The following SLC6A16 variants were observed in gnomAD, a reference collection of about 807,000 sequenced individuals.
SLC6A16 encodes the protein orphan sodium- and chloride-dependent neurotransmitter transporter NTT5.
SLC6A16 carries 54 observed loss-of-function variants against 65.4 expected under a neutral mutation model. The observed-to-expected ratio is 0.83, with a 90% CI of 0.66 to 1.04. The LOEUF (loss-of-function observed/expected upper bound fraction) is 1.04, where lower values mean the gene tolerates loss of function less well. SLC6A16 is among the 50% of genes least tolerant of loss of function. The pLI is 0.00. For missense variants in SLC6A16, 816 were observed against 914.0 expected, an observed-to-expected ratio of 0.89 and a Z score of 1.38; for synonymous variants, 330 against 346.5, an observed-to-expected ratio of 0.95 and a Z score of 0.53.
upstream of SLC6A16, among the ~76,000 whole-genome samples, chr19:49,328,298 A>G (rs1472878227): frequency 6.6e-6 from 1 of 152,226 alleles, no homozygotes; most frequent in African/African-American, 2.4e-5. Context: ...AGAGCCCCTT[A>G]TAAAACCATC....
In SLC6A16 at chr19:49,293,873, G is replaced by A. The variant is rs756103596; in HGVS notation, c.1572C>T (p.Leu524=). The change falls in exon 9 of 12, where the codon CTC becomes CTT. Residue 524 remains leucine (L), a synonymous_variant. Transcript: ENST00000335875. ...IGIMQGIITP[L]QDTFSFFRKH... is the part of the protein sequence containing the mutation. ...TCCTGAAGAAAGAGAAGGTGTCCTGGAGTGGAGTAATGATGCCCTGCATAA... is the reference window on the plus strand; with the variant it reads ...TCCTGAAGAAAGAGAAGGTGTCCTGAAGTGGAGTAATGATGCCCTGCATAA... 8.1e-6 allele frequency: 13 copies of A among 1,613,942 alleles called. No individual in the cohort carries two copies. The Admixed American group carries it at 1.0e-4, about 12-fold the overall frequency.
At chr19:49,322,285 T>C (rs975431478) in intron 1 of SLC6A16, among the ~76,000 whole-genome samples, 4 of 152,072 alleles carry the variant, frequency 2.6e-5, no homozygotes, top group Non-Finnish European at 4.4e-5. Flanking sequence ...CAATGAACAA[T>C]CTGAAAAGAA....
At chr19:49,323,956 G>A (rs1282708374) in intron 1 of SLC6A16, among the ~76,000 whole-genome samples, 1 of 152,204 alleles carries the variant, frequency 6.6e-6, no homozygotes, top group East Asian at 1.9e-4. Context: ...CTTGAGCCCA[G>A]AAGTTCGAGG....
rs201025364 is a variant in SLC6A16, at chr19:49,293,319, A to G, written c.1682T>C (p.Phe561Ser). The G allele has an allele frequency of 6.2e-7, 1 of 1,614,192 alleles. No individual in the cohort carries two copies. Among genetic ancestry groups the G allele is most frequent in the African/African-American group, 1.3e-5 (1 of 75,040 alleles). Reference protein sequence around the residue: ...LFFTRPSGSYFIRLLSDYWIV... With the variant: ...LFFTRPSGSYSIRLLSDYWIV... The stretch of plus-strand genomic sequence containing the variant: ...CCAGTAGTCACTCAGCAGTCTGATG[A>G]AGTAGCTGCCTGAAGGTCGAGTGAA... Residue 561 changes from phenylalanine to serine, a missense_variant, in exon 10 of 12, where the codon TTC (phenylalanine) becomes TCC (serine). Physicochemically the swap from Phe to Ser is radical, Grantham distance 155. Transcript: ENST00000335875.
chr19:49,302,978 A>C (rs1970317213), intron 7 of SLC6A16, among the ~76,000 whole-genome samples: 1 of 152,176 alleles, frequency 6.6e-6, no homozygotes, highest in Admixed American at 6.5e-5. Context: ...GAAAGTCTAC[A>C]ATATCTATGG....
At chr19:49,319,216 TG>T (rs1409600483) in intron 1 of SLC6A16, among the ~76,000 whole-genome samples, 1 of 150,688 alleles carries the variant, frequency 6.6e-6, no homozygotes, top group African/African-American at 2.4e-5. Context: ...CAATATCAAA[TG>T]GCCTAAAATG....
chr19:49,327,150 T>G (rs910987291), upstream of SLC6A16, among the ~76,000 whole-genome samples: 6 of 151,924 alleles, frequency 3.9e-5, no homozygotes, highest in African/African-American at 1.5e-4. Flanking sequence ...CTCGGCTCAC[T>G]GCAACCTCTG....
the SLC6A16 span, chr19:49,337,843 G>A: frequency 5.7e-6 from 9 of 1,592,810 alleles, no homozygotes; most frequent in Non-Finnish European, 6.0e-6. Flanking sequence ...GATGCACAGG[G>A]CCCGCCTGAG....
chr19:49,320,110 T>A (rs1970684831), intron 1 of SLC6A16, among the ~76,000 whole-genome samples: 1 of 151,946 alleles, frequency 6.6e-6, no homozygotes, highest in African/African-American at 2.4e-5. Context: ...AATGGTTACA[T>A]TAAAAAACAA....
At chr19:49,339,923 G>C in the SLC6A16 span, 3 of 1,366,884 alleles carry the variant, frequency 2.2e-6, no homozygotes, top group Non-Finnish European at 2.8e-6. This position sits in a 1 kb window ranked among gnomAD's most constrained non-coding sequence, Gnocchi z 4.5. Flanking sequence ...CCTGACACTG[G>C]AAGTGCGGGC....
intron 9 of SLC6A16, 68 bp downstream of exon 9, chr19:49,293,759 C>CA: frequency 6.3e-6 from 9 of 1,431,144 alleles, no homozygotes; most frequent in Non-Finnish European, 8.8e-6. Context: ...GACCCTGTCC[C>CA]AAAAAAAGAG....
At chr19:49,335,793 G>A in the SLC6A16 span, 14 of 1,609,108 alleles carry the variant, frequency 8.7e-6, no homozygotes, top group African/African-American at 1.3e-5. The surrounding 1 kb of genome is among the most constrained non-coding windows in gnomAD (Gnocchi z 4.6). Flanking sequence ...GTGGGTGAGG[G>A]GGGCTGGGGC....
chr19:49,321,286 A>G (rs1448879133), intron 1 of SLC6A16, among the ~76,000 whole-genome samples: 4 of 151,278 alleles, frequency 2.6e-5, no homozygotes, highest in Non-Finnish European at 4.4e-5. Flanking sequence ...GATGCAGAAA[A>G]AACATTTGAC....
chr19:49,296,423 C>G (rs1970187555), intron 7 of SLC6A16, among the ~76,000 whole-genome samples: 1 of 152,090 alleles, frequency 6.6e-6, no homozygotes, highest in South Asian at 2.1e-4. Context: ...GTAATCAAAG[C>G]AGGGAGGTAT....
the SLC6A16 span, chr19:49,337,531 AG>A: frequency 1.2e-6 from 1 of 845,502 alleles, no homozygotes; most frequent in Non-Finnish European, 1.7e-6. Flanking sequence ...TCGAGGTGGG[AG>A]GATCACTTGA....
At chr19:49,318,003 A>G (rs1970644042) in intron 1 of SLC6A16, among the ~76,000 whole-genome samples, 1 of 152,154 alleles carries the variant, frequency 6.6e-6, no homozygotes, top group South Asian at 2.1e-4. Context: ...GCACTTGAGG[A>G]GGCAAAAGTC....
At chr19:49,294,979 T>C (rs1568525529) in intron 7 of SLC6A16, among the ~76,000 whole-genome samples, 1 of 152,130 alleles carries the variant, frequency 6.6e-6, no homozygotes. Flanking sequence ...CTTGTTCGAC[T>C]TTTTGATGTG....
the SLC6A16 span, chr19:49,337,643 G>A: frequency 1.3e-6 from 2 of 1,508,472 alleles, no homozygotes; most frequent in Non-Finnish European, 8.9e-7. Context: ...CACCGACCTG[G>A]ACCAAGGGAG....
chr19:49,314,850 C>T (rs1351731943), intron 1 of SLC6A16, among the ~76,000 whole-genome samples: 1 of 152,140 alleles, frequency 6.6e-6, no homozygotes, highest in Non-Finnish European at 1.5e-5. Context: ...AAAAATGTCA[C>T]AGTCAATAAA....
Sources: gnomAD v4.1 joint callset for allele counts (sites outside exome capture counted in the v4.1 genomes callset) on GRCh38, gnomAD v4.1.1 for gene constraint, Gnocchi (gnomAD v3.1) non-coding constraint, MANE v1.5 for transcripts, NCBI Gene and HGNC (gene_info 2026-07-23, HGNC 2026-07-21) for gene names.